The following RFTN1 variants were observed in gnomAD, a reference collection of about 807,000 sequenced individuals.
The protein encoded by RFTN1 is raftlin.
In RFTN1, 26 loss-of-function variants were observed where a neutral mutation model predicts 46.5. The observed-to-expected ratio is 0.56, with a 90% CI of 0.41 to 0.78. The LOEUF is 0.78. Ranked by LOEUF, RFTN1 falls within the 30% of genes least tolerant of loss-of-function variation. The pLI is 0.00. For missense variants in RFTN1, 693 were observed against 718.7 expected (o/e 0.96, Z 0.41); for synonymous variants, 261 against 284.2 (o/e 0.92, Z 0.82).
chr3:16,328,952 G>A (rs1490405138), intron 7 of RFTN1, among the ~76,000 whole-genome samples: 3 of 152,228 alleles, frequency 2.0e-5, no homozygotes, highest in Admixed American at 6.5e-5. Flanking sequence ...CACACTGCAA[G>A]GGGAGAAAAG....
chr3:16,454,271 A>G (rs2124913886), intron 2 of RFTN1, among the ~76,000 whole-genome samples: 1 of 152,344 alleles, frequency 6.6e-6, no homozygotes, highest in South Asian at 2.1e-4. Flanking sequence ...CATTGGTCTT[A>G]TCAATTCACA....
chr3:16,399,952 A>T (rs796682116), intron 4 of RFTN1, among the ~76,000 whole-genome samples: 3 of 152,216 alleles, frequency 2.0e-5, no homozygotes, highest in African/African-American at 7.2e-5. Flanking sequence ...CTAAGTGACG[A>T]TCTCTTGTCT....
At chr3:16,435,413 A>C (rs1359506240) in intron 2 of RFTN1, among the ~76,000 whole-genome samples, 4 of 149,718 alleles carry the variant, frequency 2.7e-5, no homozygotes, top group African/African-American at 9.8e-5. Context: ...TGCTAAAAAT[A>C]TAAAAAATTA....
rs939743947 is a variant in RFTN1, at chr3:16,346,205, T to G, written c.1146+11727A>C. 6.6e-6 allele frequency: 1 copy of G among 152,188 alleles called. No homozygotes were observed. The highest frequency in any genetic ancestry group is 1.5e-5 in the Non-Finnish European group (1 of 68,034). The allele number at this position is 152,188 out of a possible 1,614,324, so 9.4% of individuals were successfully genotyped here. A position where few individuals can be genotyped will look rare whatever the true frequency, so the allele number is the denominator to read the frequency against. On this transcript the variant is annotated intron_variant, in intron 7 of 9. Transcript: ENST00000334133. The surrounding 1 kb of genome is among the most constrained non-coding windows in gnomAD (Gnocchi z 4.4). ...ATTTTTAATGACTACACACCTTCCC[T>G]TGACTAAATGGAATCAATCCTTCCT...
At chr3:16,369,445 C>A (rs539258652) in intron 6 of RFTN1, among the ~76,000 whole-genome samples, 115 of 152,370 alleles carry the variant, frequency 7.5e-4, no homozygotes, top group African/African-American at 2.6e-3. Context: ...ACTCAACTTG[C>A]CTTCTCGTTA....
intron 2 of RFTN1, among the ~76,000 whole-genome samples, chr3:16,464,239 G>C (rs1385633033): frequency 1.3e-5 from 2 of 152,094 alleles, no homozygotes; most frequent in Non-Finnish European, 2.9e-5. Context: ...ATTTTTCCCA[G>C]AGCAGCAACA....
intron 2 of RFTN1, among the ~76,000 whole-genome samples, chr3:16,445,977 A>G (rs1376035131): frequency 1.3e-5 from 2 of 151,380 alleles, no homozygotes; most frequent in East Asian, 3.9e-4. Flanking sequence ...GCCAGAACCC[A>G]TGCTGGGTTT....
rs879370509 is a variant in RFTN1 at position 16,407,703 on chromosome 3, G to A, written c.441+1672C>T. 7.2e-5 allele frequency among the ~76,000 whole-genome samples: 11 copies of A among 152,138 alleles called. No individual in the cohort carries two copies. Among genetic ancestry groups the A allele is most frequent in the Non-Finnish European group, 7.4e-5 (5 of 68,022 alleles). The stretch of plus-strand genomic sequence containing the variant: ...GATTATTTGCAGCAATCCAAACAAA[G>A]ATAGCTCTATTTCTATAGAAAGCTA... On this transcript the variant is annotated intron_variant, in intron 4 of 9. Transcript: ENST00000334133. The surrounding 1 kb of genome is among the most constrained non-coding windows in gnomAD (Gnocchi z 4.0).
At position 16,336,862 on chromosome 3, in the gene RFTN1, T is replaced by C. The variant is rs2070901701; in HGVS notation, c.1147-9986A>G. 6.6e-6 allele frequency among the ~76,000 whole-genome samples: 1 copy of C among 152,258 alleles called. No homozygotes were observed. Among genetic ancestry groups the C allele is most frequent in the South Asian group, 2.1e-4 (1 of 4,816 alleles). On this transcript the variant is annotated intron_variant, in intron 7 of 9. Transcript: ENST00000334133. This position sits in a 1 kb window ranked among gnomAD's most constrained non-coding sequence, Gnocchi z 6.0. ...TTTAGGAGCTCAACGAAATAAAAAA[T>C]AATAATTGTTATTATTACATGAAAC...
intron 6 of RFTN1, among the ~76,000 whole-genome samples, chr3:16,365,489 G>A (rs1234300047): frequency 1.3e-5 from 2 of 152,078 alleles, no homozygotes; most frequent in Admixed American, 6.6e-5. Flanking sequence ...TTTTACTTAT[G>A]TATTTTGCAA....
rs1466884587 is a variant in RFTN1, at chr3:16,484,380, A to G, written c.145+9345T>C. On this transcript the variant is annotated intron_variant, in intron 2 of 9. Transcript: ENST00000334133. The surrounding 1 kb of genome is among the most constrained non-coding windows in gnomAD (Gnocchi z 4.6). ...CTTGAATAAGGAATGTCATCCTGTT[A>G]TTATCATGACCACCCAAAATTTATA... Among the ~76,000 whole-genome samples the G allele has an allele frequency of 6.6e-6, 1 of 152,220 alleles. No individual in the cohort carries two copies. The highest frequency in any genetic ancestry group is 1.5e-5 in the Non-Finnish European group (1 of 68,034).
rs954530698 is a variant in RFTN1 at position 16,422,431 on chromosome 3, C to A, written c.332+11420G>T. On this transcript the variant is annotated intron_variant, in intron 3 of 9. Transcript: ENST00000334133. This position sits in a 1 kb window ranked among gnomAD's most constrained non-coding sequence, Gnocchi z 4.6. ...GGATCATGAGGTCAGGAGATGGAGA[C>A]CATCCTGGCCAACATGGTGAAACCC... Among the ~76,000 whole-genome samples the A allele has an allele frequency of 9.2e-5, 14 of 151,716 alleles. No homozygotes were observed. The highest frequency in any genetic ancestry group is 3.4e-4 in the African/African-American group (14 of 41,334).
chr3:16,395,472 G>T (rs1163838282), intron 4 of RFTN1, among the ~76,000 whole-genome samples: 1 of 151,792 alleles, frequency 6.6e-6, no homozygotes, highest in Non-Finnish European at 1.5e-5. Flanking sequence ...AAGAGACAGG[G>T]TATCACTCTG....
rs914291671 is a variant in RFTN1, at chr3:16,322,398, G to C, written c.1332+978C>G. Among the ~76,000 whole-genome samples, 5 of 152,188 alleles carry C rather than the reference G, an allele frequency of 3.3e-5. No individual in the cohort carries two copies. The highest frequency in any genetic ancestry group is 7.3e-5 in the Non-Finnish European group (5 of 68,040). ...CATTTACTTGATGCTCCTTCCCAGG[G>C]CTCTGTGTCCAAAGAACATGAGGAA... On this transcript the variant is annotated intron_variant, in intron 9 of 9. Transcript: ENST00000334133. The surrounding 1 kb of genome is among the most constrained non-coding windows in gnomAD (Gnocchi z 6.2).
rs942360658 is a variant in RFTN1, at chr3:16,337,819, G to A, written c.1147-10943C>T. Among the ~76,000 whole-genome samples the A allele has an allele frequency of 6.6e-6, 1 of 152,114 alleles. No individual in the cohort carries two copies. The highest frequency in any genetic ancestry group is 1.5e-5 in the Non-Finnish European group (1 of 68,022). On this transcript the variant is annotated intron_variant, in intron 7 of 9. Coordinates refer to ENST00000334133, the MANE Select transcript of RFTN1 (RefSeq NM_015150.2). The surrounding 1 kb of genome is among the most constrained non-coding windows in gnomAD (Gnocchi z 5.0). ...CAATGATATAGTTACTGCTGAAGGG[G>A]AGTGTTCCTAATTTGTCACCACACT...
intron 3 of RFTN1, among the ~76,000 whole-genome samples, chr3:16,415,359 T>C (rs908917670): frequency 1.3e-5 from 2 of 149,958 alleles, no homozygotes; most frequent in Non-Finnish European, 3.0e-5. Flanking sequence ...ATATGTTGAA[T>C]ATGACATATC....
rs1341625804 is a variant in RFTN1 at position 16,383,538 on chromosome 3, G to A, written c.442-5436C>T. Reference sequence around the variant, plus strand: ...AAAAAAAATCTTTGGTTATATATTTGAGGAATTATTTTTATTAAAAATAAT... The same window carrying A: ...AAAAAAAATCTTTGGTTATATATTTAAGGAATTATTTTTATTAAAAATAAT... On this transcript the variant is annotated intron_variant, in intron 4 of 9. Transcript: ENST00000334133. This position sits in a 1 kb window ranked among gnomAD's most constrained non-coding sequence, Gnocchi z 4.0. Among the ~76,000 whole-genome samples the A allele has an allele frequency of 1.3e-5, 2 of 152,136 alleles. No individual in the cohort carries two copies. Among genetic ancestry groups the A allele is most frequent in the Non-Finnish European group, 2.9e-5 (2 of 68,022 alleles).
chr3:16,421,280 C>G lies in RFTN1; in HGVS notation c.333-11797G>C, dbSNP rs913335440. On this transcript the variant is annotated intron_variant, in intron 3 of 9. Transcript: ENST00000334133. This position sits in a 1 kb window ranked among gnomAD's most constrained non-coding sequence, Gnocchi z 4.6. ...CATAATGGAACTATAACACACTTTT[C>G]AAAAAGTCTTCTTGATAATTCCAAA... Among the ~76,000 whole-genome samples, 4 of 151,640 alleles carry G rather than the reference C, an allele frequency of 2.6e-5. No individual in the cohort carries two copies. Among genetic ancestry groups the G allele is most frequent in the African/African-American group, 9.7e-5 (4 of 41,322 alleles).
At chr3:16,434,393 CAA>C (rs763361472) in intron 2 of RFTN1, among the ~76,000 whole-genome samples, 2 of 113,332 alleles carry the variant, frequency 1.8e-5, no homozygotes, top group African/African-American at 6.4e-5. Context: ...AACAAACAAA[CAA>C]AAACAAAAAA....
Sources: gnomAD v4.1 joint callset for allele counts (sites outside exome capture counted in the v4.1 genomes callset) on GRCh38, gnomAD v4.1.1 for gene constraint, Gnocchi (gnomAD v3.1) non-coding constraint, MANE v1.5 for transcripts, NCBI Gene and HGNC (gene_info 2026-07-23, HGNC 2026-07-21) for gene names.